EXOC4: variants seen among roughly 807,000 people sequenced by gnomAD.
EXOC4 encodes exocyst complex component 4.
In EXOC4, 71 loss-of-function variants were observed where a neutral mutation model predicts 107.2. The observed-to-expected ratio is 0.66, with a 90% confidence interval of 0.55 to 0.81. The LOEUF (loss-of-function observed/expected upper bound fraction) is 0.81, where lower values mean the gene tolerates loss of function less well. Among genes scored for constraint, EXOC4 ranks in the 30% least tolerant of loss-of-function variants. EXOC4 has a pLI of 0.00. For synonymous variants in EXOC4, 456 were observed against 441.2 expected, an observed-to-expected ratio of 1.03 and a Z score of -0.42; for missense variants, 1,108 against 1,189.6, an observed-to-expected ratio of 0.93 and a Z score of 1.01.
chr7:133,976,705 C>T (rs777168643), intron 14 of EXOC4, among the ~76,000 whole-genome samples: 1 of 152,144 alleles, frequency 6.6e-6, no homozygotes, highest in Non-Finnish European at 1.5e-5. Context: ...ATGCATATGT[C>T]CTTGTAGTTA....
chr7:133,341,461 G>T (rs1398827729), intron 5 of EXOC4, among the ~76,000 whole-genome samples: 3 of 152,116 alleles, frequency 2.0e-5, no homozygotes, highest in Non-Finnish European at 4.4e-5. Context: ...CATAAGGTCT[G>T]TCTTGGAGAA....
At chr7:133,337,637 CTTTTT>C (rs10611286) in intron 5 of EXOC4, among the ~76,000 whole-genome samples, 2 of 86,148 alleles carry the variant, frequency 2.3e-5, no homozygotes, top group Admixed American at 1.3e-4. Context: ...CCTTCCTTCC[CTTTTT>C]TTTTTTTTTT....
intron 7 of EXOC4, among the ~76,000 whole-genome samples, chr7:133,401,464 C>T (rs1797087409): frequency 6.6e-6 from 1 of 151,750 alleles, no homozygotes; most frequent in Non-Finnish European, 1.5e-5. Context: ...AATTCAAGAC[C>T]AGCCTGTGCA....
At chr7:133,734,044 C>T (rs910794230) in intron 10 of EXOC4, among the ~76,000 whole-genome samples, 2 of 152,188 alleles carry the variant, frequency 1.3e-5, no homozygotes, top group Non-Finnish European at 2.9e-5. Flanking sequence ...TCTGTCACTG[C>T]TCAGACTTTA....
chr7:133,890,159 T>G (rs1439224618), intron 11 of EXOC4, among the ~76,000 whole-genome samples: 4 of 60,810 alleles, frequency 6.6e-5, no homozygotes, highest in Non-Finnish European at 1.1e-4. Context: ...TGATTTGCAT[T>G]TCTCTGATGG....
chr7:133,486,981 A>T (rs570027723), intron 9 of EXOC4, among the ~76,000 whole-genome samples: 1 of 152,322 alleles, frequency 6.6e-6, no homozygotes, highest in East Asian at 1.9e-4. Flanking sequence ...CAAGTGTACT[A>T]CTTTTTAGCC....
At chr7:134,093,993 T>C in the EXOC4 span, among the ~76,000 whole-genome samples, 28 of 152,240 alleles carry the variant, frequency 1.8e-4, 1 homozygote, top group East Asian at 3.7e-3. Context: ...ATTAGCAATC[T>C]AACATCACAC....
chr7:133,628,498 T>C (rs1209982890), intron 9 of EXOC4, among the ~76,000 whole-genome samples: 2 of 152,212 alleles, frequency 1.3e-5, no homozygotes, highest in Non-Finnish European at 2.9e-5. Flanking sequence ...TCAGGCGTTA[T>C]ATCACTTCCC....
At chr7:133,620,575 T>C (rs976653143) in intron 9 of EXOC4, among the ~76,000 whole-genome samples, 5 of 152,176 alleles carry the variant, frequency 3.3e-5, no homozygotes, top group African/African-American at 9.6e-5. Flanking sequence ...TGCTGATAAA[T>C]GGATAAATTA....
At chr7:133,484,235 C>T in intron 9 of EXOC4, 1 of 1,411,668 alleles carries the variant, frequency 7.1e-7, no homozygotes, top group South Asian at 1.4e-5. Context: ...TCTCAATAGG[C>T]TCTAACTGTT....
intron 2 of EXOC4, among the ~76,000 whole-genome samples, chr7:133,279,921 T>A (rs1794092596): frequency 6.6e-6 from 1 of 152,216 alleles, no homozygotes; most frequent in Non-Finnish European, 1.5e-5. Flanking sequence ...TGGATTTAAC[T>A]TTCTTCCCTG....
chr7:134,058,246 T>C (rs1387765327), intron 17 of EXOC4, among the ~76,000 whole-genome samples: 1 of 152,186 alleles, frequency 6.6e-6, no homozygotes, highest in Non-Finnish European at 1.5e-5. Context: ...GCTCAATTTT[T>C]CTCCCTCTCA....
At chr7:133,533,352 G>A (rs1261944920) in intron 9 of EXOC4, among the ~76,000 whole-genome samples, 1 of 151,982 alleles carries the variant, frequency 6.6e-6, no homozygotes, top group Non-Finnish European at 1.5e-5. Context: ...AATGCTTTTT[G>A]GTCTTAAGTG....
chr7:133,561,883 C>T (rs1026538907), intron 9 of EXOC4, among the ~76,000 whole-genome samples: 1 of 152,242 alleles, frequency 6.6e-6, no homozygotes, highest in African/African-American at 2.4e-5. Flanking sequence ...GAAATAGGCT[C>T]CTGCCACCCG....
intron 10 of EXOC4, among the ~76,000 whole-genome samples, chr7:133,717,441 C>T (rs574781483): frequency 3.9e-5 from 6 of 152,240 alleles, no homozygotes; most frequent in African/African-American, 9.6e-5. Context: ...ACATGCTTGC[C>T]GCCCCCCAAC....
At chr7:134,078,613 G>A in the EXOC4 span, among the ~76,000 whole-genome samples, 1 of 152,158 alleles carries the variant, frequency 6.6e-6, no homozygotes, top group Non-Finnish European at 1.5e-5. Flanking sequence ...CTCCCCAACA[G>A]CTTAGAGTTC....
chr7:134,007,050 C>T (rs977830975), intron 16 of EXOC4, among the ~76,000 whole-genome samples: 3 of 152,118 alleles, frequency 2.0e-5, no homozygotes, highest in Admixed American at 6.5e-5. Context: ...TCTGCTTTTC[C>T]TTCACCCTTT....
intron 11 of EXOC4, among the ~76,000 whole-genome samples, chr7:133,842,856 A>G (rs1458404978): frequency 6.6e-6 from 1 of 152,194 alleles, no homozygotes; most frequent in Non-Finnish European, 1.5e-5. Flanking sequence ...TCTAATGCAC[A>G]TGGCTAGCCA....
chr7:133,279,945 T>C (rs1794093126), intron 2 of EXOC4, among the ~76,000 whole-genome samples: 2 of 152,220 alleles, frequency 1.3e-5, no homozygotes, highest in Admixed American at 6.5e-5. Flanking sequence ...GTCCAAGCTT[T>C]TTTAAAAAAA....
Sources: allele counts gnomAD v4.1 joint callset (sites outside exome capture counted in the v4.1 genomes callset), GRCh38; gene constraint gnomAD v4.1.1; transcripts MANE v1.5; gene names NCBI Gene and HGNC (gene_info 2026-07-23, HGNC 2026-07-21).